TNN: variants seen among roughly 807,000 people sequenced by gnomAD.
TNN encodes tenascin N, also known as tenascin-N.
In TNN, 122 loss-of-function variants were observed where a neutral mutation model predicts 134.4. That is an observed-to-expected ratio of 0.91 (90% CI 0.78 to 1.06). TNN has a LOEUF of 1.06. Among genes scored for constraint, TNN ranks in the 50% least tolerant of loss-of-function variants. The pLI is 0.00. For synonymous variants in TNN, 710 were observed against 670.3 expected, an observed-to-expected ratio of 1.06 and a Z score of -0.91; for missense variants, 1,739 against 1,699.4, an observed-to-expected ratio of 1.02 and a Z score of -0.41.
At chr1:175,111,568 A>G (rs1675027600) in intron 9 of TNN, among the ~76,000 whole-genome samples, 1 of 151,130 alleles carries the variant, frequency 6.6e-6, no homozygotes, top group African/African-American at 2.4e-5. Flanking sequence ...ATTGCATTGA[A>G]TCTATAGATT....
At chr1:175,112,051 G>A (rs1482172719) in intron 9 of TNN, among the ~76,000 whole-genome samples, 1 of 152,024 alleles carries the variant, frequency 6.6e-6, no homozygotes, top group Non-Finnish European at 1.5e-5. Context: ...GGTAAGAGTG[G>A]TCATCCTTGT....
chr1:175,105,986 C>G (rs1463147950), intron 9 of TNN, among the ~76,000 whole-genome samples: 1 of 145,736 alleles, frequency 6.9e-6, no homozygotes, highest in Non-Finnish European at 1.5e-5. Flanking sequence ...CGCTCACCGA[C>G]GCAGCAGCAG....
intron 9 of TNN, among the ~76,000 whole-genome samples, chr1:175,111,041 G>C (rs1675007286): frequency 6.6e-6 from 1 of 152,072 alleles, no homozygotes; most frequent in African/African-American, 2.4e-5. Flanking sequence ...AAAAGGGCTG[G>C]GTGCGGTAGC....
At chr1:175,115,878 G>A (rs1322502466) in intron 9 of TNN, among the ~76,000 whole-genome samples, 1 of 152,116 alleles carries the variant, frequency 6.6e-6, no homozygotes. Flanking sequence ...TCTTGCTTAC[G>A]TTTTGCTGTA....
At chr1:175,135,432 A>G (rs2101850151) in intron 15 of TNN, among the ~76,000 whole-genome samples, 1 of 152,340 alleles carries the variant, frequency 6.6e-6, no homozygotes, top group East Asian at 1.9e-4. Context: ...CCTACCCTCA[A>G]ACTATTTCAG....
chr1:175,097,329 G>T, intron 7 of TNN, 88 bp from the exon 8 acceptor site: 1 of 1,515,240 alleles, frequency 6.6e-7, no homozygotes, highest in South Asian at 1.2e-5. Context: ...GACATTTGTT[G>T]AGGTTATCAC....
At chr1:175,071,906 A>C (rs1453279332) in intron 1 of TNN, among the ~76,000 whole-genome samples, 1 of 152,218 alleles carries the variant, frequency 6.6e-6, no homozygotes, top group Non-Finnish European at 1.5e-5. Context: ...ACTTCACAAA[A>C]TATTACTTTG....
Position 175,128,573 on chromosome 1 carries a change from ACT to A in TNN, c.3179-15_3179-14del. On this transcript the variant is annotated intron_variant, in intron 14 of 18. Coordinates refer to ENST00000239462, the MANE Select transcript of TNN (RefSeq NM_022093.2). ...TCCTCCTTGCCCTTGTCCTAACAAC[ACT>A]CTCTCTGCTTGGCTCCCAGTTGGTG... 1 of 1,597,082 alleles carries A rather than the reference ACT, an allele frequency of 6.3e-7. No individual in the cohort carries two copies. Among genetic ancestry groups the A allele is most frequent in the Non-Finnish European group, 8.5e-7 (1 of 1,170,958 alleles).
At chr1:175,112,999 C>T (rs1675074352) in intron 9 of TNN, among the ~76,000 whole-genome samples, 1 of 152,072 alleles carries the variant, frequency 6.6e-6, no homozygotes, top group African/African-American at 2.4e-5. Context: ...GGAGTGACTC[C>T]TGTCATTTGT....
chr1:175,091,018 G>A (rs1337418271), intron 6 of TNN, among the ~76,000 whole-genome samples: 2 of 152,202 alleles, frequency 1.3e-5, no homozygotes, highest in African/African-American at 2.4e-5. Flanking sequence ...TGCAGCTGCT[G>A]AAAGGCTTCC....
intron 5 of TNN, 66 bp from the exon 6 acceptor site, chr1:175,085,339 G>A: frequency 4.1e-6 from 4 of 967,500 alleles, no homozygotes; most frequent in Non-Finnish European, 6.6e-6. Flanking sequence ...ATCCCAGGGA[G>A]GAGTAGTGCT....
intron 6 of TNN, among the ~76,000 whole-genome samples, chr1:175,087,339 C>A (rs1054290476): frequency 1.3e-5 from 2 of 152,170 alleles, no homozygotes; most frequent in Admixed American, 6.5e-5. Context: ...TAGTCAATTA[C>A]GTGTTGAGTA....
At chr1:175,129,843 A>G (rs568404808) in intron 15 of TNN, among the ~76,000 whole-genome samples, 19 of 152,282 alleles carry the variant, frequency 1.2e-4, no homozygotes, top group Non-Finnish European at 2.4e-4. Flanking sequence ...ACTGGAGTCC[A>G]TTGTCCAAGT....
chr1:175,116,225 T>G (rs1037193213), intron 9 of TNN, among the ~76,000 whole-genome samples: 1 of 152,212 alleles, frequency 6.6e-6, no homozygotes, highest in Non-Finnish European at 1.5e-5. Flanking sequence ...TGCCTTTTTT[T>G]TCTTGTGGAG....
At position 175,080,694 on chromosome 1, in the gene TNN, GCAGT is replaced by G. The variant is rs140612393; in HGVS notation, c.1048+271_1048+274del. Among the ~76,000 whole-genome samples the G allele has an allele frequency of 2.6e-3, 395 of 152,224 alleles. 3 individuals are homozygous for G. The highest frequency in any genetic ancestry group is 9.2e-3 in the African/African-American group (380 of 41,520). On this transcript the variant is annotated intron_variant, in intron 4 of 18. Coordinates refer to ENST00000239462, the MANE Select transcript of TNN (RefSeq NM_022093.2). ...TATTTGGGTCTGCACCTTCTCATAAGCAGTCAAAGTGTAGACATGAATCCCCAGT... is the reference window on the plus strand; with the variant it reads ...TATTTGGGTCTGCACCTTCTCATAAGCAAAGTGTAGACATGAATCCCCAGT...
chr1:175,088,953 G>A (rs1674379710), intron 6 of TNN, among the ~76,000 whole-genome samples: 1 of 152,150 alleles, frequency 6.6e-6, no homozygotes, highest in Non-Finnish European at 1.5e-5. Context: ...AATCACATAT[G>A]GCCTTGAATT....
chr1:175,135,547 A>G (rs1039911754), intron 15 of TNN, among the ~76,000 whole-genome samples: 2 of 152,242 alleles, frequency 1.3e-5, no homozygotes, highest in Non-Finnish European at 2.9e-5. Context: ...ATCTTGCCCT[A>G]GACAACCCAC....
intron 11 of TNN, among the ~76,000 whole-genome samples, chr1:175,119,899 A>G (rs1186844087): frequency 1.3e-5 from 2 of 152,072 alleles, no homozygotes; most frequent in African/African-American, 4.8e-5. Flanking sequence ...TGGCCTCCCA[A>G]AGTGCTGGGA....
intron 9 of TNN, among the ~76,000 whole-genome samples, chr1:175,100,865 CT>C (rs918646512): frequency 6.6e-6 from 1 of 151,952 alleles, no homozygotes; most frequent in African/African-American, 2.4e-5. Context: ...ACATTTGTTT[CT>C]TTTTTAAAAA....
Sources: allele counts gnomAD v4.1 joint callset (sites outside exome capture counted in the v4.1 genomes callset), GRCh38; gene constraint gnomAD v4.1.1; transcripts MANE v1.5; gene names NCBI Gene and HGNC (gene_info 2026-07-23, HGNC 2026-07-21).